The following STXBP5L variants were observed in gnomAD, a reference collection of about 807,000 sequenced individuals.
STXBP5L encodes the protein syntaxin binding protein 5L.
A neutral mutation model predicts 144.5 loss-of-function variants in STXBP5L; 65 were observed. The ratio of observed to expected loss-of-function variants is 0.45; its 90% confidence interval spans 0.37 to 0.55. The LOEUF is 0.55. STXBP5L is among the 20% of genes least tolerant of loss of function. The probability of loss-of-function intolerance (pLI) is 0.00; values close to 1 mark genes in which losing one functional copy is unlikely to be tolerated. For missense variants in STXBP5L, 1,298 were observed against 1,405.5 expected (o/e 0.92, Z 1.22); for synonymous variants, 505 against 469.6 (o/e 1.08, Z -0.97).
intron 4 of STXBP5L, among the ~76,000 whole-genome samples, chr3:121,043,793 G>T (rs1947322044): frequency 2.0e-5 from 3 of 152,148 alleles, no homozygotes; most frequent in Admixed American, 2.0e-4. Context: ...TTGAATATAT[G>T]CTACTTTAAT....
intron 3 of STXBP5L, among the ~76,000 whole-genome samples, chr3:120,964,530 C>T (rs1014768411): frequency 6.6e-6 from 1 of 152,106 alleles, no homozygotes; most frequent in African/African-American, 2.4e-5. Flanking sequence ...TCGTTATTTA[C>T]CCAGTAGTCA....
At chr3:121,139,040 C>G (rs2045382466) in intron 7 of STXBP5L, among the ~76,000 whole-genome samples, 1 of 151,798 alleles carries the variant, frequency 6.6e-6, no homozygotes, top group Non-Finnish European at 1.5e-5. Flanking sequence ...AAATTCTGCT[C>G]ACAGAATTAA....
intron 3 of STXBP5L, among the ~76,000 whole-genome samples, chr3:120,983,694 G>A (rs1312402492): frequency 1.3e-5 from 2 of 152,074 alleles, no homozygotes; most frequent in Non-Finnish European, 2.9e-5. Flanking sequence ...GGAGTGTGGA[G>A]CCCTAGGGGT....
chr3:121,232,658 A>G (rs1158442764), intron 11 of STXBP5L, among the ~76,000 whole-genome samples: 2 of 152,286 alleles, frequency 1.3e-5, no homozygotes, highest in Admixed American at 1.3e-4. Flanking sequence ...TTGTTATTGA[A>G]CTAAACTGGG....
chr3:121,048,084 C>G (rs1432996702), intron 5 of STXBP5L, among the ~76,000 whole-genome samples: 3 of 152,098 alleles, frequency 2.0e-5, no homozygotes, highest in Non-Finnish European at 4.4e-5. Flanking sequence ...GGGAAAGAAT[C>G]TAATTTCTCC....
chr3:120,965,642 T>C (rs1163515226), intron 3 of STXBP5L, among the ~76,000 whole-genome samples: 2 of 152,170 alleles, frequency 1.3e-5, no homozygotes, highest in East Asian at 3.9e-4. Context: ...TGCTGAGAGA[T>C]CTGTTGTTAG....
chr3:121,039,544 CT>C (rs2107542152), intron 3 of STXBP5L, among the ~76,000 whole-genome samples: 1 of 150,902 alleles, frequency 6.6e-6, no homozygotes, highest in Non-Finnish European at 1.5e-5. Flanking sequence ...TTCTTTTTTC[CT>C]TTTTGTATAT....
At chr3:121,148,232 A>G (rs187369942) in intron 7 of STXBP5L, among the ~76,000 whole-genome samples, 1 of 152,158 alleles carries the variant, frequency 6.6e-6, no homozygotes, top group African/African-American at 2.4e-5. Flanking sequence ...TGAAAATACT[A>G]ACAAAATTGA....
At chr3:121,133,187 T>A (rs76851442) in intron 7 of STXBP5L, among the ~76,000 whole-genome samples, 18,233 of 152,092 alleles carry the variant, frequency 0.12, 1,146 homozygotes, top group Non-Finnish European at 0.14. Flanking sequence ...CTGGACAACA[T>A]GACAAGACCC....
At chr3:121,325,058 G>C (rs1348289498) in intron 20 of STXBP5L, among the ~76,000 whole-genome samples, 2 of 151,846 alleles carry the variant, frequency 1.3e-5, no homozygotes, top group Non-Finnish European at 2.9e-5. Flanking sequence ...ACAGTAAATG[G>C]AAAGGAAGGT....
intron 9 of STXBP5L, among the ~76,000 whole-genome samples, chr3:121,187,920 A>G (rs1156783303): frequency 1.3e-5 from 2 of 152,200 alleles, no homozygotes; most frequent in African/African-American, 4.8e-5. Flanking sequence ...CAGACTTTAA[A>G]CCAACAAAGA....
chr3:120,924,185 C>G (rs571366307), intron 2 of STXBP5L, among the ~76,000 whole-genome samples: 15 of 152,266 alleles, frequency 9.9e-5, no homozygotes, highest in African/African-American at 2.9e-4. Context: ...TTCTACCCTT[C>G]ATTTCACCAC....
chr3:121,404,150 A>G (rs1376000495), intron 22 of STXBP5L, among the ~76,000 whole-genome samples: 1 of 151,840 alleles, frequency 6.6e-6, no homozygotes. Flanking sequence ...TATTCCTCTC[A>G]TTCCTCTCAC....
chr3:121,092,563 C>T (rs1218566080), intron 5 of STXBP5L, among the ~76,000 whole-genome samples: 1 of 152,238 alleles, frequency 6.6e-6, no homozygotes, highest in Admixed American at 6.5e-5. Flanking sequence ...CATGATTTGG[C>T]TCTCTGTTTG....
At chr3:121,247,245 T>C (rs925398769) in intron 14 of STXBP5L, among the ~76,000 whole-genome samples, 21 of 152,256 alleles carry the variant, frequency 1.4e-4, no homozygotes, top group Non-Finnish European at 7.3e-5. Flanking sequence ...AAAAACTTTA[T>C]TGGAGCTTTA....
Position 121,259,132 on chromosome 3 carries a change from A to G in STXBP5L, c.1922A>G (p.Gln641Arg). ...TGGGTAGATGGTGAACCTCCACAAC[A>G]GATTACTAGTCTTGCTGTAAGCTCA... ...LVWVDGEPPQ[Q>R]ITSLAVSSAY... The change falls in exon 18 of 27, where the codon CAG (glutamine) becomes CGG (arginine). Residue 641 changes from glutamine to arginine, a missense_variant. By Grantham distance (43) the Gln-to-Arg change is conservative. Transcript: ENST00000471454. The G allele has an allele frequency of 1.3e-6, 2 of 1,597,682 alleles. No individual in the cohort carries two copies. Among genetic ancestry groups the G allele is most frequent in the Non-Finnish European group, 1.7e-6 (2 of 1,170,868 alleles).
chr3:121,141,186 C>T (rs2045488067), intron 7 of STXBP5L, among the ~76,000 whole-genome samples: 1 of 152,042 alleles, frequency 6.6e-6, no homozygotes, highest in Admixed American at 6.6e-5. Flanking sequence ...GGCAGATCAC[C>T]TGAGATTGGG....
intron 5 of STXBP5L, among the ~76,000 whole-genome samples, chr3:121,070,248 A>G (rs1314676679): frequency 6.6e-6 from 1 of 152,238 alleles, no homozygotes; most frequent in Non-Finnish European, 1.5e-5. Context: ...CAAAGGCAGC[A>G]TTACGACATT....
intron 10 of STXBP5L, among the ~76,000 whole-genome samples, chr3:121,207,083 G>C (rs2048364974): frequency 6.6e-6 from 1 of 152,000 alleles, no homozygotes; most frequent in South Asian, 2.1e-4. Context: ...TTTTTAACCT[G>C]TTATTTTATC....
Sources: gnomAD v4.1 joint callset for allele counts (sites outside exome capture counted in the v4.1 genomes callset) on GRCh38, gnomAD v4.1.1 for gene constraint, MANE v1.5 for transcripts, NCBI Gene and HGNC (gene_info 2026-07-23, HGNC 2026-07-21) for gene names.